KCNMA1: variants seen among roughly 807,000 people sequenced by gnomAD.
The protein encoded by KCNMA1 is potassium calcium-activated channel subfamily M alpha 1.
Under a neutral mutation model 140.0 loss-of-function variants are expected in KCNMA1, and 29 were observed. The ratio of observed to expected loss-of-function variants is 0.21; its 90% confidence interval spans 0.15 to 0.28. The LOEUF is 0.28. Among genes scored for constraint, KCNMA1 ranks in the 10% least tolerant of loss-of-function variants. The probability of loss-of-function intolerance (pLI) is 1.00; values close to 1 mark genes in which losing one functional copy is unlikely to be tolerated. For missense variants in KCNMA1, 880 were observed against 1,602.2 expected, an observed-to-expected ratio of 0.55 and a Z score of 7.70; for synonymous variants, 612 against 611.9, an observed-to-expected ratio of 1.00 and a Z score of 0.00.
chr10:77,464,743 G>A (rs2097950642), intron 1 of KCNMA1, among the ~76,000 whole-genome samples: 1 of 152,154 alleles, frequency 6.6e-6, no homozygotes. Context: ...AGGTGCCCAC[G>A]TCCTTGACAG....
intron 1 of KCNMA1, among the ~76,000 whole-genome samples, chr10:77,625,736 A>C (rs1198263386): frequency 6.6e-6 from 1 of 152,204 alleles, no homozygotes; most frequent in East Asian, 1.9e-4. Context: ...ACAATTCGCT[A>C]ATCTATTCAT....
chr10:76,874,020 G>T (rs938532802), downstream of KCNMA1: 2 of 151,966 alleles, frequency 1.3e-5, no homozygotes, highest in Admixed American at 1.3e-4. Flanking sequence ...TTGGAGACAT[G>T]GCATAGAGAT....
intron 25 of KCNMA1, among the ~76,000 whole-genome samples, chr10:76,893,576 C>G (rs1173916557): frequency 1.3e-5 from 2 of 151,850 alleles, no homozygotes. Context: ...CTAGTCTCTA[C>G]TAAAAATAAA....
At chr10:77,573,787 CCCTGTATA>C (rs2072909900) in intron 1 of KCNMA1, among the ~76,000 whole-genome samples, 1 of 151,750 alleles carries the variant, frequency 6.6e-6, no homozygotes, top group South Asian at 2.1e-4. Flanking sequence ...TCCAGACTCA[CCCTGTATA>C]CCTGTCCACC....
At chr10:77,080,546 T>C (rs2096539476) in intron 12 of KCNMA1, among the ~76,000 whole-genome samples, 1 of 152,156 alleles carries the variant, frequency 6.6e-6, no homozygotes, top group East Asian at 1.9e-4. Context: ...CCATATCTCT[T>C]GCTAGTGTGA....
rs140411470 is a variant in KCNMA1 at position 77,144,929 on chromosome 10, A to C, written c.809-23881T>G. Among the ~76,000 whole-genome samples, 1,184 of 152,324 alleles carry C rather than the reference A, an allele frequency of 7.8e-3. 10 individuals carry two copies. The highest frequency in any genetic ancestry group is 0.027 in the African/African-American group (1,113 of 41,562). Reference sequence around the variant, plus strand: ...AGGGATTATGACATCTACTTCACAGACGAACTATCCAGATTAAAGAAAACG... The same window carrying C: ...AGGGATTATGACATCTACTTCACAGCCGAACTATCCAGATTAAAGAAAACG... On this transcript the variant is annotated intron_variant, in intron 5 of 27. Coordinates refer to ENST00000286628, the MANE Select transcript of KCNMA1 (RefSeq NM_001161352.2).
intron 1 of KCNMA1, among the ~76,000 whole-genome samples, chr10:77,606,886 C>T (rs1180760012): frequency 3.3e-5 from 5 of 152,184 alleles, no homozygotes; most frequent in South Asian, 2.1e-4. Flanking sequence ...AAGCCAACAA[C>T]CCCAAAACCC....
chr10:77,208,869 T>C (rs1598773071), intron 3 of KCNMA1, among the ~76,000 whole-genome samples: 1 of 152,330 alleles, frequency 6.6e-6, no homozygotes, highest in East Asian at 1.9e-4. Flanking sequence ...TTATGTGTTC[T>C]TATGAAGTAA....
intron 2 of KCNMA1, among the ~76,000 whole-genome samples, chr10:77,296,923 T>A (rs1455658887): frequency 2.7e-5 from 3 of 110,022 alleles, no homozygotes; most frequent in South Asian, 2.8e-4. Context: ...GGGGGGGCGG[T>A]GGGGGAATGT....
chr10:77,298,743 G>C (rs532406060), intron 2 of KCNMA1, among the ~76,000 whole-genome samples: 1 of 152,288 alleles, frequency 6.6e-6, no homozygotes, highest in East Asian at 1.9e-4. Flanking sequence ...AGCAAGTCCA[G>C]AGAGAAATGG....
chr10:77,603,322 C>A (rs904974521), intron 1 of KCNMA1, among the ~76,000 whole-genome samples: 6 of 152,208 alleles, frequency 3.9e-5, no homozygotes, highest in African/African-American at 1.4e-4. Flanking sequence ...ACCCCCTCAG[C>A]CATGGATTTC....
chr10:77,154,345 C>T (rs6480853), intron 5 of KCNMA1, among the ~76,000 whole-genome samples: 118,483 of 152,122 alleles, frequency 0.78, 46,219 homozygotes, highest in Admixed American at 0.85. Context: ...CCACAGGTTA[C>T]TATAGAAATT....
chr10:77,408,658 T>A (rs980304559), intron 1 of KCNMA1, among the ~76,000 whole-genome samples: 1 of 152,068 alleles, frequency 6.6e-6, no homozygotes, highest in Non-Finnish European at 1.5e-5. Context: ...CAAGAAAAGA[T>A]GTCTTGGGAA....
chr10:77,225,609 G>A (rs2051081970), intron 3 of KCNMA1, among the ~76,000 whole-genome samples: 1 of 152,124 alleles, frequency 6.6e-6, no homozygotes, highest in African/African-American at 2.4e-5. Context: ...TGAACCACAC[G>A]GCAGGAAGCA....
At chr10:77,539,084 G>T (rs1173817176) in intron 1 of KCNMA1, among the ~76,000 whole-genome samples, 13 of 152,132 alleles carry the variant, frequency 8.5e-5, no homozygotes, top group Admixed American at 8.5e-4. Context: ...GGAAGAAGCT[G>T]GAGACTCTGA....
At chr10:77,035,123 T>A (rs2094229769) in intron 15 of KCNMA1, among the ~76,000 whole-genome samples, 2 of 152,210 alleles carry the variant, frequency 1.3e-5, no homozygotes, top group African/African-American at 4.8e-5. Context: ...GATGCATCTC[T>A]TTGTCTCATC....
At chr10:77,636,252 C>T in intron 1 of KCNMA1, 1 of 1,438,392 alleles carries the variant, frequency 7.0e-7, no homozygotes, top group Non-Finnish European at 9.1e-7. Context: ...TGTCGGGTCC[C>T]CCACTCCAGC....
At chr10:77,566,365 C>T (rs917362475) in intron 1 of KCNMA1, among the ~76,000 whole-genome samples, 2 of 152,212 alleles carry the variant, frequency 1.3e-5, no homozygotes, top group African/African-American at 4.8e-5. Flanking sequence ...TCTCGCCATG[C>T]GTGAATGCTG....
At chr10:77,439,133 AAGAGAAGAGAAGAG>A (rs1233524881) in intron 1 of KCNMA1, among the ~76,000 whole-genome samples, 16 of 144,984 alleles carry the variant, frequency 1.1e-4, no homozygotes, top group African/African-American at 4.1e-4. Context: ...AAGAGAAGAG[AAGAGAAGAGAAGAG>A]AAAAGAGAAG....
Sources: gnomAD v4.1 joint callset for allele counts (sites outside exome capture counted in the v4.1 genomes callset) on GRCh38, gnomAD v4.1.1 for gene constraint, MANE v1.5 for transcripts, NCBI Gene and HGNC (gene_info 2026-07-23, HGNC 2026-07-21) for gene names.